EXOC6B: variants seen among roughly 807,000 people sequenced by gnomAD.
EXOC6B encodes the protein exocyst complex component 6B.
Under a neutral mutation model 113.5 loss-of-function variants are expected in EXOC6B, and 54 were observed. The ratio of observed to expected loss-of-function variants is 0.48; its 90% CI spans 0.38 to 0.60. The LOEUF is 0.60. Ranked by LOEUF, EXOC6B falls within the 20% of genes least tolerant of loss-of-function variation. The pLI is 0.00. For synonymous variants in EXOC6B, 357 were observed against 339.0 expected (o/e 1.05, Z -0.58); for missense variants, 797 against 977.5 (o/e 0.82, Z 2.46).
At chr2:72,404,287 G>C (rs1693567484) in intron 18 of EXOC6B, among the ~76,000 whole-genome samples, 1 of 152,178 alleles carries the variant, frequency 6.6e-6, no homozygotes, top group Non-Finnish European at 1.5e-5. Context: ...CTGGGGGCAG[G>C]GCATAGCAAA....
chr2:72,435,538 C>CT (rs1474238861), intron 18 of EXOC6B, among the ~76,000 whole-genome samples: 1 of 152,180 alleles, frequency 6.6e-6, no homozygotes, highest in Non-Finnish European at 1.5e-5. Flanking sequence ...GTGTGGGACT[C>CT]TAAGTCTTCT....
rs1014918811 is a variant in EXOC6B at position 72,177,428 on chromosome 2, G to C, written c.*1907C>G. ...ACTCTTCTCAAGCAATAGAACTTCA[G>C]ATTAATATAATCGTTTCTCACTTGT... On this transcript the variant is annotated 3_prime_UTR_variant, in exon 22 of 22. Coordinates refer to ENST00000272427, the MANE Select transcript of EXOC6B (RefSeq NM_015189.3). 2.0e-5 allele frequency: 3 copies of C among 152,238 alleles called. No homozygotes were observed. The highest frequency in any genetic ancestry group is 4.4e-5 in the Non-Finnish European group (3 of 68,054). The allele number at this position is 152,238 out of a possible 1,614,324, so 9.4% of individuals were successfully genotyped here.
intron 1 of EXOC6B, among the ~76,000 whole-genome samples, chr2:72,766,618 G>T (rs1683073251): frequency 6.6e-6 from 1 of 151,768 alleles, no homozygotes; most frequent in Non-Finnish European, 1.5e-5. Context: ...TTAAAATTCC[G>T]AACTCCATAG....
intron 17 of EXOC6B, 141 bp downstream of exon 17, chr2:72,480,475 G>T: frequency 1.3e-6 from 1 of 790,190 alleles, no homozygotes; most frequent in Non-Finnish European, 1.8e-6. Context: ...AGAAAATAGA[G>T]AAGGGAAACC....
At chr2:72,709,003 A>T (rs1002866140) in intron 6 of EXOC6B, among the ~76,000 whole-genome samples, 1 of 136,860 alleles carries the variant, frequency 7.3e-6, no homozygotes, top group Non-Finnish European at 1.5e-5. Flanking sequence ...CTCAGCCTCC[A>T]AAGTGCTGGG....
chr2:72,684,566 T>A (rs1676948053), intron 6 of EXOC6B, among the ~76,000 whole-genome samples: 1 of 152,162 alleles, frequency 6.6e-6, no homozygotes, highest in Non-Finnish European at 1.5e-5. Flanking sequence ...AACTGAAACA[T>A]CTCAGGTATC....
At chr2:72,244,099 A>G (rs1366087964) in intron 20 of EXOC6B, among the ~76,000 whole-genome samples, 1 of 152,204 alleles carries the variant, frequency 6.6e-6, no homozygotes, top group Non-Finnish European at 1.5e-5. Flanking sequence ...CAGAATATAC[A>G]TTCTTCTCAA....
intron 6 of EXOC6B, among the ~76,000 whole-genome samples, chr2:72,639,654 C>T (rs1673091060): frequency 6.6e-6 from 1 of 152,192 alleles, no homozygotes; most frequent in Admixed American, 6.5e-5. Context: ...GGACCCCTTA[C>T]CAACACAGTG....
At chr2:72,291,552 T>C (rs936469150) in intron 20 of EXOC6B, among the ~76,000 whole-genome samples, 9 of 152,222 alleles carry the variant, frequency 5.9e-5, no homozygotes, top group Non-Finnish European at 1.3e-4. Context: ...CAGCCTCTTT[T>C]AGGTTTTGGA....
At chr2:72,733,632 T>G (rs1287784956) in intron 2 of EXOC6B, among the ~76,000 whole-genome samples, 1 of 152,154 alleles carries the variant, frequency 6.6e-6, no homozygotes, top group East Asian at 1.9e-4. Flanking sequence ...ATACTTCCAT[T>G]TTTCCAATAT....
chr2:72,469,063 C>T (rs1158715037), intron 17 of EXOC6B, among the ~76,000 whole-genome samples: 1 of 152,068 alleles, frequency 6.6e-6, no homozygotes, highest in Non-Finnish European at 1.5e-5. Context: ...ACAATTTTTA[C>T]AATTAATGAA....
chr2:72,183,069 C>T (rs956100806), intron 21 of EXOC6B, among the ~76,000 whole-genome samples: 1 of 152,116 alleles, frequency 6.6e-6, no homozygotes, highest in Non-Finnish European at 1.5e-5. Flanking sequence ...CATCTCTTCC[C>T]CTTTTCTCCC....
chr2:72,553,205 G>C (rs542693773), intron 8 of EXOC6B, among the ~76,000 whole-genome samples: 1 of 152,088 alleles, frequency 6.6e-6, no homozygotes, highest in East Asian at 1.9e-4. Flanking sequence ...TAACTAATTA[G>C]AAAATAAAGT....
chr2:72,200,947 A>G (rs1308222096), intron 20 of EXOC6B, among the ~76,000 whole-genome samples: 1 of 152,204 alleles, frequency 6.6e-6, no homozygotes, highest in African/African-American at 2.4e-5. Flanking sequence ...CATCATAAAT[A>G]AAGATGAAAT....
chr2:72,293,647 T>TG (rs1384046123), intron 20 of EXOC6B, among the ~76,000 whole-genome samples: 2 of 152,150 alleles, frequency 1.3e-5, no homozygotes, highest in Non-Finnish European at 2.9e-5. Flanking sequence ...TTGGAGCTTT[T>TG]GGCTTAGAAA....
intron 20 of EXOC6B, among the ~76,000 whole-genome samples, chr2:72,310,234 C>T (rs1033207559): frequency 6.6e-6 from 1 of 152,168 alleles, no homozygotes; most frequent in African/African-American, 2.4e-5. Context: ...AGTGGCAGCA[C>T]CATATTACAT....
At chr2:72,623,490 C>G (rs965105378) in intron 6 of EXOC6B, among the ~76,000 whole-genome samples, 1 of 152,144 alleles carries the variant, frequency 6.6e-6, no homozygotes, top group Non-Finnish European at 1.5e-5. Context: ...GTTTAGGCCC[C>G]AAACTGAAAA....
chr2:72,401,091 GATAA>G (rs1325198338), intron 18 of EXOC6B, among the ~76,000 whole-genome samples: 1 of 151,626 alleles, frequency 6.6e-6, no homozygotes, highest in East Asian at 1.9e-4. Flanking sequence ...TATATATATA[GATAA>G]ATATAGATAC....
rs147206699 is a variant in EXOC6B at position 72,825,173 on chromosome 2, C to T, written c.113+625G>A. Among the ~76,000 whole-genome samples the T allele has an allele frequency of 0.016, 2,431 of 152,030 alleles. 83 individuals carry two copies. The highest frequency in any genetic ancestry group is 0.056 in the African/African-American group (2,338 of 41,462). Reference sequence around the variant, plus strand: ...GCAAAAAAAAATGATAACTGGGGGGCGGCAGCAGGGTCAGTTTTCCCCAGC... The same window carrying T: ...GCAAAAAAAAATGATAACTGGGGGGTGGCAGCAGGGTCAGTTTTCCCCAGC... On this transcript the variant is annotated intron_variant, in intron 1 of 21. Coordinates refer to ENST00000272427, the MANE Select transcript of EXOC6B (RefSeq NM_015189.3). This position sits in a 1 kb window ranked among gnomAD's most constrained non-coding sequence, Gnocchi z 4.4.
Sources: allele counts gnomAD v4.1 joint callset (sites outside exome capture counted in the v4.1 genomes callset), GRCh38; gene constraint gnomAD v4.1.1; non-coding constraint Gnocchi (gnomAD v3.1); transcripts MANE v1.5; gene names NCBI Gene and HGNC (gene_info 2026-07-23, HGNC 2026-07-21).